Variants in HDAC5 observed in about 807,000 individuals in gnomAD.
HDAC5 encodes antigen NY-CO-9.
HDAC5 carries 25 observed loss-of-function variants against 133.3 expected under a neutral mutation model. The observed-to-expected ratio is 0.19, with a 90% CI of 0.14 to 0.26. The LOEUF is 0.26. HDAC5 is among the 10% of genes least tolerant of loss of function. The probability of loss-of-function intolerance (pLI) is 1.00; values close to 1 mark genes in which losing one functional copy is unlikely to be tolerated. For synonymous variants in HDAC5, 589 were observed against 610.8 expected (o/e 0.96, Z 0.53); for missense variants, 1,041 against 1,460.5 (o/e 0.71, Z 4.68).
In HDAC5 at chr17:44,076,815, T is replaced by C. The variant is rs570162227; in HGVS notation, c.*1561A>G. ...ACAGTGTAACGGGTTACAAAATACTTAACTGAAATCCATATCCAGGGAGAC... is the reference window on the plus strand; with the variant it reads ...ACAGTGTAACGGGTTACAAAATACTCAACTGAAATCCATATCCAGGGAGAC... On this transcript the variant is annotated 3_prime_UTR_variant, in exon 27 of 27. Transcript: ENST00000682912. 1.2e-5 allele frequency: 2 copies of C among 160,798 alleles called. No homozygotes were observed. The highest frequency in any genetic ancestry group is 3.4e-4 in the South Asian group (2 of 5,856). The allele number at this position is 160,798 out of a possible 1,614,324, so 10.0% of individuals were successfully genotyped here. A position where few individuals can be genotyped will look rare whatever the true frequency, so the allele number is the denominator to read the frequency against.
At chr17:44,091,956 T>C in intron 9 of HDAC5, 125 bp from the exon 10 acceptor site, 5 of 1,149,546 alleles carry the variant, frequency 4.3e-6, no homozygotes, top group Non-Finnish European at 4.9e-6. Context: ...GAGCTCCCAC[T>C]GAGGGAGACT....
intron 3 of HDAC5, among the ~76,000 whole-genome samples, chr17:44,107,926 G>A (rs2052072775): frequency 6.6e-6 from 1 of 152,134 alleles, no homozygotes; most frequent in African/African-American, 2.4e-5. Context: ...CCTGCGTATT[G>A]TCTGGGCATC....
At chr17:44,097,532 G>A (rs2051345744) in intron 3 of HDAC5, among the ~76,000 whole-genome samples, 2 of 152,248 alleles carry the variant, frequency 1.3e-5, no homozygotes, top group South Asian at 2.1e-4. Context: ...AGCCCACGAT[G>A]GTGGCAAGGA....
chr17:44,105,770 C>G (rs1031294253), intron 3 of HDAC5, among the ~76,000 whole-genome samples: 1 of 152,160 alleles, frequency 6.6e-6, no homozygotes, highest in African/African-American at 2.4e-5. Context: ...AGGCCCTTCT[C>G]CCAGGAGTCC....
Position 44,093,782 on chromosome 17 carries a change from C to A in HDAC5, c.147G>T (p.Gly49=). 6.4e-7 allele frequency: 1 copy of A among 1,569,378 alleles called. No individual in the cohort carries two copies. Among genetic ancestry groups the A allele is most frequent in the East Asian group, 2.3e-5 (1 of 44,330 alleles). Residue 49 remains glycine, a synonymous_variant, in exon 4 of 27, where the codon GGG becomes GGT. Coordinates refer to ENST00000682912, the MANE Select transcript of HDAC5 (RefSeq NM_005474.5). ...PRAMPSSMGG[G]GGGSPSPVEL... Reference sequence around the variant, plus strand: ...CCACAGGGCTGGGGCTGCCTCCACCCCCACCCCCCATGGAACTGGGCATGG... The same window carrying A: ...CCACAGGGCTGGGGCTGCCTCCACCACCACCCCCCATGGAACTGGGCATGG...
At chr17:44,086,160 G>A (rs2050638230) in intron 14 of HDAC5, among the ~76,000 whole-genome samples, 1 of 152,162 alleles carries the variant, frequency 6.6e-6, no homozygotes, top group Non-Finnish European at 1.5e-5. Flanking sequence ...CTCCACGGGT[G>A]ATACAGGGCC....
At chr17:44,078,980 G>A in intron 24 of HDAC5, 101 bp from the exon 25 acceptor site, 1 of 1,515,242 alleles carries the variant, frequency 6.6e-7, no homozygotes, top group Non-Finnish European at 9.1e-7. Flanking sequence ...CACAACAGGG[G>A]CAAACATGGC....
rs529966260 is a variant in HDAC5, at chr17:44,087,598, C to T, written c.1698G>A (p.Glu566=). The part of the protein sequence containing the change: ...LTEQQEVLLG[E]GALTMPREGS... ...CCTCCCGGGGCATGGTCAGGGCTCC[C>T]TCCCCCAGCAAGACCTCCTGCTGCT... The change falls in exon 13 of 27, where the codon GAG becomes GAA. Residue 566 remains glutamate, a synonymous_variant. Transcript: ENST00000682912. 1 of 1,614,096 alleles carries T rather than the reference C, an allele frequency of 6.2e-7. No homozygotes were observed. Among genetic ancestry groups the T allele is most frequent in the South Asian group, 1.1e-5 (1 of 91,082 alleles).
chr17:44,123,544 A>G lies in HDAC5; in HGVS notation c.-230T>C, dbSNP rs1173726101. The G allele has an allele frequency of 1.0e-5, 4 of 399,628 alleles. No individual in the cohort carries two copies. Among genetic ancestry groups the G allele is most frequent in the East Asian group, 3.6e-5 (1 of 27,974 alleles). 24.8% of individuals were successfully genotyped at this position (399,628 alleles called of 1,614,324 possible). A position where few individuals can be genotyped will look rare whatever the true frequency, so the allele number is the denominator to read the frequency against. ...CTCCGGCTTCGCGGGCGGCGGCGGC[A>G]GCAGCGGCGGCGGCAGCGGCGGCAG... On this transcript the variant is annotated 5_prime_UTR_variant, in exon 1 of 27. Transcript: ENST00000682912.
rs1375816685 is a variant in HDAC5 at position 44,091,849 on chromosome 17, G to C, written c.1033-18C>G. The C allele has an allele frequency of 7.2e-6, 11 of 1,538,254 alleles. No individual in the cohort carries two copies. Among genetic ancestry groups the C allele is most frequent in the African/African-American group, 1.4e-5 (1 of 72,372 alleles). On this transcript the variant is annotated intron_variant, in intron 9 of 26. Transcript: ENST00000682912. ...GGGAGCATCTGGGGAGCAGTCAGAA[G>C]AGACAGGCATGAGAGTGCACAAAGG...
chr17:44,114,205 G>A (rs187382869), intron 2 of HDAC5, among the ~76,000 whole-genome samples: 2 of 152,366 alleles, frequency 1.3e-5, no homozygotes, highest in African/African-American at 2.4e-5. Flanking sequence ...AGCAGGTCCC[G>A]CTCTGCAGTG....
At chr17:44,107,045 A>G (rs1185460991) in intron 3 of HDAC5, among the ~76,000 whole-genome samples, 1 of 152,082 alleles carries the variant, frequency 6.6e-6, no homozygotes, top group East Asian at 1.9e-4. Flanking sequence ...CCTGGGCTCA[A>G]GCAATCCTCC....
intron 11 of HDAC5, 50 bp downstream of exon 11, chr17:44,091,220 G>C (rs1280010547): frequency 1.4e-6 from 2 of 1,381,766 alleles, no homozygotes; most frequent in African/African-American, 2.9e-5. Flanking sequence ...ATCCCTGACA[G>C]TTGGTCCTGA....
rs1258812901 is a variant in HDAC5 at position 44,117,684 on chromosome 17, C to G, written c.-169G>C. The G allele has an allele frequency of 1.4e-6, 1 of 697,596 alleles. No individual in the cohort carries two copies. 43.2% of individuals were successfully genotyped at this position (697,596 alleles called of 1,614,324 possible). ...AGGCCATCCTTCGGGGCGAGGCAGT[C>G]AGGCACTCAGAACGGCATCCCTGGG... On this transcript the variant is annotated 5_prime_UTR_variant, in exon 2 of 27. It removes the in-frame stop codon of an upstream open reading frame in the 5' UTR. Coordinates refer to ENST00000682912, the MANE Select transcript of HDAC5 (RefSeq NM_005474.5). This position sits in a 1 kb window ranked among gnomAD's most constrained non-coding sequence, Gnocchi z 4.2.
At position 44,077,208 on chromosome 17, in the gene HDAC5, TCCCCTGGAAGCCTTGTAGGCCCACAG is replaced by T. The variant is rs2050162212; in HGVS notation, c.*1142_*1167del. The stretch of plus-strand genomic sequence containing the variant: ...TTGGTTTCCTACAGGCTGGATGGCA[TCCCCTGGAAGCCTTGTAGGCCCACAG>T]CCCCTGGCAGGGCTCCTGGGAAAGA... On this transcript the variant is annotated 3_prime_UTR_variant, in exon 27 of 27. Coordinates refer to ENST00000682912, the MANE Select transcript of HDAC5 (RefSeq NM_005474.5). The T allele has an allele frequency of 6.6e-6, 1 of 152,622 alleles. No individual in the cohort carries two copies. Among genetic ancestry groups the T allele is most frequent in the Non-Finnish European group, 1.5e-5 (1 of 68,130 alleles). The allele number at this position is 152,622 out of a possible 1,614,324, so 9.5% of individuals were successfully genotyped here.
chr17:44,093,010 G>A, intron 6 of HDAC5, 82 bp downstream of exon 6: 2 of 1,007,650 alleles, frequency 2.0e-6, no homozygotes, highest in African/African-American at 1.6e-5. Context: ...TGGGCACGGG[G>A]AAGAAGCCCC....
chr17:44,110,255 C>T (rs984364071), intron 3 of HDAC5, among the ~76,000 whole-genome samples: 1 of 152,198 alleles, frequency 6.6e-6, no homozygotes, highest in Non-Finnish European at 1.5e-5. Context: ...TGGGGACTTG[C>T]GGAAGTCACT....
At chr17:44,111,796 T>C in intron 2 of HDAC5, 1 of 444,904 alleles carries the variant, frequency 2.2e-6, no homozygotes, top group Non-Finnish European at 4.5e-6. Flanking sequence ...CTCCAGAGGC[T>C]GCTCAGCCTC....
rs776133658 is a variant in HDAC5 at position 44,091,709 on chromosome 17, T to C, written c.1155A>G (p.Ser385=). 1 of 1,567,046 alleles carries C rather than the reference T, an allele frequency of 6.4e-7. No individual in the cohort carries two copies. Among genetic ancestry groups the C allele is most frequent in the Non-Finnish European group, 8.6e-7 (1 of 1,157,756 alleles). ...GLQATVTVTN[S]HLTASPKLST... ...TATGCCCTGTACTTACAGTGAGGTG[T>C]GAGTTGGTGACAGTGACCGTGGCCT... Residue 385 remains serine (S), a synonymous_variant, in exon 10 of 27, where the codon TCA becomes TCG. Transcript: ENST00000682912.
Sources: allele counts gnomAD v4.1 joint callset (sites outside exome capture counted in the v4.1 genomes callset), GRCh38; gene constraint gnomAD v4.1.1; non-coding constraint Gnocchi (gnomAD v3.1); transcripts MANE v1.5; gene names NCBI Gene and HGNC (gene_info 2026-07-23, HGNC 2026-07-21).